VSX2: variants seen among roughly 807,000 people sequenced by gnomAD.
The protein encoded by VSX2 is visual system homeobox 2, also known as ceh-10 homeo domain containing homolog.
Under a neutral mutation model 32.1 loss-of-function variants are expected in VSX2, and 28 were observed. The ratio of observed to expected loss-of-function variants is 0.87; its 90% CI spans 0.65 to 1.20. VSX2 has a LOEUF of 1.20. VSX2 is among the 50% of genes most tolerant of loss of function. VSX2 has a pLI of 0.00. For synonymous variants in VSX2, 243 were observed against 214.1 expected, an observed-to-expected ratio of 1.14 and a Z score of -1.18; for missense variants, 506 against 488.7, an observed-to-expected ratio of 1.04 and a Z score of -0.33.
In VSX2 at chr14:74,239,763, C is replaced by A; in HGVS notation, c.202C>A (p.Leu68Ile). ...GCACTTGCTGGCGGCGCGCTCAGTGCTCAGCCCCGCGGGGGTGGGCGGCAT... is the reference window on the plus strand; with the variant it reads ...GCACTTGCTGGCGGCGCGCTCAGTGATCAGCCCCGCGGGGGTGGGCGGCAT... ...PGHLLAARSV[L>I]SPAGVGGMGL... Residue 68 changes from leucine to isoleucine, a missense_variant, in exon 1 of 5, where the codon CTC becomes ATC. By Grantham distance (5) the Leu-to-Ile change is conservative (BLOSUM62 2). Coordinates refer to ENST00000261980, the MANE Select transcript of VSX2 (RefSeq NM_182894.3). 6.4e-7 allele frequency: 1 copy of A among 1,553,706 alleles called. No individual in the cohort carries two copies. Among genetic ancestry groups the A allele is most frequent in the South Asian group, 1.2e-5 (1 of 84,322 alleles).
intron 3 of VSX2, among the ~76,000 whole-genome samples, chr14:74,257,613 G>T (rs1246301722): frequency 0.069 from 5 of 72 alleles, no homozygotes; most frequent in Non-Finnish European, 0.18. Flanking sequence ...CCCCTGCCGG[G>T]GATTGGCCGG....
At chr14:74,258,596 A>G (rs2079283180) in intron 3 of VSX2, among the ~76,000 whole-genome samples, 1 of 152,036 alleles carries the variant, frequency 6.6e-6, no homozygotes, top group Admixed American at 6.5e-5. Flanking sequence ...GGGGCGCACC[A>G]TTACCCCGCG....
intron 3 of VSX2, among the ~76,000 whole-genome samples, chr14:74,258,477 C>T (rs1025097241): frequency 3.3e-5 from 5 of 152,090 alleles, no homozygotes; most frequent in Admixed American, 3.3e-4. Context: ...TTCCCAAGCC[C>T]GCCTCGGTCC....
intron 3 of VSX2, among the ~76,000 whole-genome samples, chr14:74,254,750 T>C (rs893994047): frequency 8.0e-5 from 12 of 149,440 alleles, no homozygotes; most frequent in Non-Finnish European, 1.0e-4. Context: ...CACTCACTTA[T>C]TTCATGTAAT....
At chr14:74,244,358 T>C (rs1315523712) in intron 2 of VSX2, among the ~76,000 whole-genome samples, 1 of 151,880 alleles carries the variant, frequency 6.6e-6, no homozygotes, top group East Asian at 1.9e-4. Context: ...GGTTGGAAGG[T>C]GGCCCTTCCC....
chr14:74,245,329 C>T (rs1022601308), intron 3 of VSX2, 41 bp downstream of exon 3: 47 of 1,611,662 alleles, frequency 2.9e-5, no homozygotes, highest in Non-Finnish European at 3.7e-5. Context: ...TCTCCCCTCT[C>T]TCGGTGACAT....
At chr14:74,255,658 T>C (rs529302969) in intron 3 of VSX2, among the ~76,000 whole-genome samples, 27 of 152,292 alleles carry the variant, frequency 1.8e-4, no homozygotes, top group Non-Finnish European at 2.6e-4. Context: ...AAAAATGCTG[T>C]TTCCATCTGA....
chr14:74,244,923 T>A lies in VSX2; in HGVS notation c.456-242T>A, dbSNP rs373333533. ...GTGTGTGTGTGTGTGTGTGTGTGTG[T>A]GTGTGTGAAAGAGAGAGAGAAAGTG... On this transcript the variant is annotated intron_variant, in intron 2 of 4. Coordinates refer to ENST00000261980, the MANE Select transcript of VSX2 (RefSeq NM_182894.3). Among the ~76,000 whole-genome samples, 10,416 of 41,154 alleles carry A rather than the reference T, an allele frequency of 0.25. 1,222 individuals carry two copies. The highest frequency in any genetic ancestry group is 0.4 in the Middle Eastern group (37 of 92). The allele number at this position is 41,154 out of a possible 152,430, so 27.0% of individuals were successfully genotyped here.
At position 74,246,376 on chromosome 14, in the gene VSX2, C is replaced by T. The variant is rs935023570; in HGVS notation, c.579+1088C>T. 2.6e-5 allele frequency among the ~76,000 whole-genome samples: 4 copies of T among 152,202 alleles called. No individual in the cohort carries two copies. The South Asian group carries it at 8.3e-4, about 31-fold the overall frequency. On this transcript the variant is annotated intron_variant, in intron 3 of 4. Coordinates refer to ENST00000261980, the MANE Select transcript of VSX2 (RefSeq NM_182894.3). Reference sequence around the variant, plus strand: ...AGTAAGGTGTGTGGGTTGCTCTGTACTCTCTCACTGGAGGACCAGAGAATG... The same window carrying T: ...AGTAAGGTGTGTGGGTTGCTCTGTATTCTCTCACTGGAGGACCAGAGAATG...
In VSX2 at chr14:74,239,898, G is replaced by C; in HGVS notation, c.337G>C (p.Gly113Arg). Reference protein sequence around the residue: ...VHLQPLGRASGPLDTSQTASS... With the variant: ...VHLQPLGRASRPLDTSQTASS... ...CTTGCAGCCATTGGGCAGAGCATCG[G>C]GGCCGCTGGACACCAGCCAGACGGC... is the stretch of plus-strand genomic sequence containing the variant. Residue 113 changes from glycine to arginine, a missense_variant, in exon 1 of 5, where the codon GGG becomes CGG. Physicochemically the swap from Gly to Arg is moderately radical, Grantham distance 125. Transcript: ENST00000261980. 1 of 1,571,810 alleles carries C rather than the reference G, an allele frequency of 6.4e-7. No homozygotes were observed. Among genetic ancestry groups the C allele is most frequent in the Non-Finnish European group, 8.6e-7 (1 of 1,159,484 alleles).
In VSX2 at chr14:74,260,599, C is replaced by A; in HGVS notation, c.766C>A (p.His256Asn). Residue 256 changes from histidine to asparagine, a missense_variant, in exon 5 of 5, where the codon CAC becomes AAC. Physicochemically the swap from His to Asn is moderately conservative, Grantham distance 68. Coordinates refer to ENST00000261980, the MANE Select transcript of VSX2 (RefSeq NM_182894.3). Reference sequence around the variant, plus strand: ...ATACCAACAATTCTTTCTAGGGATGCACAAAAAGTCGCTGGAGGCAGCAGC... The same window carrying A: ...ATACCAACAATTCTTTCTAGGGATGAACAAAAAGTCGCTGGAGGCAGCAGC... ...DSCAPWLLGM[H>N]KKSLEAAAES... 4.4e-6 allele frequency: 7 copies of A among 1,601,852 alleles called. No homozygotes were observed. The highest frequency in any genetic ancestry group is 6.0e-6 in the Non-Finnish European group (7 of 1,174,836).
At chr14:74,252,106 G>A (rs140456860) in intron 3 of VSX2, among the ~76,000 whole-genome samples, 1 of 152,364 alleles carries the variant, frequency 6.6e-6, no homozygotes, top group Non-Finnish European at 1.5e-5. Flanking sequence ...TTCTGGTGGC[G>A]ATGCCAGGGC....
intron 2 of VSX2, among the ~76,000 whole-genome samples, chr14:74,243,703 A>C (rs1594753943): frequency 6.6e-6 from 1 of 151,178 alleles, no homozygotes; most frequent in Non-Finnish European, 1.5e-5. Context: ...TCACATCATC[A>C]CCCCCCACCC....
intron 3 of VSX2, among the ~76,000 whole-genome samples, chr14:74,251,580 T>C (rs2079229445): frequency 6.6e-6 from 1 of 152,086 alleles, no homozygotes; most frequent in African/African-American, 2.4e-5. Flanking sequence ...CAGGAGAGGG[T>C]TGTTTCTGTT....
intron 1 of VSX2, 45 bp downstream of exon 1, chr14:74,239,976 G>A: frequency 6.5e-7 from 1 of 1,541,004 alleles, no homozygotes. Context: ...GGGGGCGACA[G>A]CCGGGAGCCC....
intron 2 of VSX2, among the ~76,000 whole-genome samples, chr14:74,242,377 C>T (rs2079156073): frequency 6.6e-6 from 1 of 152,176 alleles, no homozygotes; most frequent in Non-Finnish European, 1.5e-5. Context: ...CCTCTCTGCG[C>T]TTTTCTATGC....
chr14:74,244,977 TGTGTGAGAGAGA>T (rs1270974881), intron 2 of VSX2, among the ~76,000 whole-genome samples, 176 bp from the exon 3 acceptor site: 1 of 43,740 alleles, frequency 2.3e-5, no homozygotes, highest in Non-Finnish European at 4.6e-5. Context: ...TGTGTGTGTG[TGTGTGAGAGAGA>T]GAGAGAGAGA....
At chr14:74,256,935 A>G (rs142689644) in intron 3 of VSX2, among the ~76,000 whole-genome samples, 2,968 of 151,776 alleles carry the variant, frequency 0.02, 105 homozygotes, top group African/African-American at 0.066. Flanking sequence ...CGGCCTCCCA[A>G]ACTGCTGGGA....
At chr14:74,241,776 T>C (rs2079151884) in intron 2 of VSX2, among the ~76,000 whole-genome samples, 1 of 152,148 alleles carries the variant, frequency 6.6e-6, no homozygotes, top group African/African-American at 2.4e-5. Flanking sequence ...TGACAGAGCA[T>C]TTTCTTTTGG....
Sources: allele counts gnomAD v4.1 joint callset (sites outside exome capture counted in the v4.1 genomes callset), GRCh38; gene constraint gnomAD v4.1.1; transcripts MANE v1.5; gene names NCBI Gene and HGNC (gene_info 2026-07-23, HGNC 2026-07-21).